Variants in SAMD14 observed in about 807,000 individuals in gnomAD.
SAMD14 encodes the protein sterile alpha motif domain-containing protein 14.
Under a neutral mutation model 46.2 loss-of-function variants are expected in SAMD14, and 27 were observed. The observed-to-expected ratio is 0.58, with a 90% CI of 0.43 to 0.81. The LOEUF is 0.81. SAMD14 is among the 30% of genes least tolerant of loss of function. The probability of loss-of-function intolerance (pLI) is 0.00; values close to 1 mark genes in which losing one functional copy is unlikely to be tolerated. For missense variants in SAMD14, 559 were observed against 582.2 expected (o/e 0.96, Z 0.41); for synonymous variants, 241 against 254.3 (o/e 0.95, Z 0.50).
chr17:50,127,416 A>G (rs1055670581), intron 1 of SAMD14, among the ~76,000 whole-genome samples: 3 of 152,066 alleles, frequency 2.0e-5, no homozygotes, highest in Admixed American at 2.0e-4. Context: ...CAGCCTGACC[A>G]ACATGGAAAA....
At chr17:50,118,445 T>C in intron 2 of SAMD14, 118 bp from the exon 3 acceptor site, 2 of 1,229,160 alleles carry the variant, frequency 1.6e-6, no homozygotes, top group East Asian at 2.4e-5. Context: ...TGTTCTTGAG[T>C]GCTGGGAGCA....
intron 1 of SAMD14, among the ~76,000 whole-genome samples, chr17:50,128,512 ACC>A (rs1491290485): frequency 0.043 from 5,886 of 137,234 alleles, 226 homozygotes; most frequent in African/African-American, 0.11. Flanking sequence ...ACACACACAC[ACC>A]CCCATTCAGC....
intron 1 of SAMD14, among the ~76,000 whole-genome samples, chr17:50,128,086 C>T (rs1182988995): frequency 2.6e-5 from 4 of 152,204 alleles, no homozygotes; most frequent in Non-Finnish European, 5.9e-5. Context: ...AAGACAGGAA[C>T]TGCCTCTCCC....
intron 7 of SAMD14, chr17:50,114,823 T>A (rs1200827224): frequency 2.4e-5 from 4 of 165,066 alleles, no homozygotes; most frequent in Non-Finnish European, 5.2e-5. Context: ...GGATTCTTTC[T>A]TCCCAGAATT....
At position 50,117,659 on chromosome 17, in the gene SAMD14, G is replaced by T; in HGVS notation, c.247C>A (p.Arg83Ser). The T allele has an allele frequency of 6.5e-7, 1 of 1,541,334 alleles. No individual in the cohort carries two copies. The highest frequency in any genetic ancestry group is 1.2e-5 in the South Asian group (1 of 82,476). ...DGCGSPLHRL[R>S]SPLHSGPGSP... The stretch of plus-strand genomic sequence containing the variant: ...CCCGGGCCTGAGTGCAAAGGCGAGC[G>T]CAGCCGGTGCAGGGGGCTCCCGCAG... The change falls in exon 4 of 10, where the codon CGC becomes AGC. Residue 83 changes from arginine to serine, a missense_variant. Coordinates refer to ENST00000330175, the MANE Select transcript of SAMD14 (RefSeq NM_001257359.2).
At chr17:50,123,073 G>A (rs1162799346) in intron 2 of SAMD14, among the ~76,000 whole-genome samples, 2 of 152,198 alleles carry the variant, frequency 1.3e-5, no homozygotes, top group Non-Finnish European at 2.9e-5. Context: ...TCCTTATTGA[G>A]CTCTTACTGT....
intron 1 of SAMD14, 170 bp from the exon 2 acceptor site, chr17:50,125,141 C>A: frequency 1.6e-6 from 1 of 628,986 alleles, no homozygotes; most frequent in Non-Finnish European, 2.8e-6. Flanking sequence ...GAATCATAAC[C>A]CAGATGGTGG....
rs1911412003 is a variant in SAMD14, at chr17:50,119,715, G to A, written c.44-1388C>T. Among the ~76,000 whole-genome samples, 5 of 152,186 alleles carry A rather than the reference G, an allele frequency of 3.3e-5. No individual in the cohort carries two copies. In the South Asian group the frequency reaches 6.2e-4, roughly 19 times the overall value. On this transcript the variant is annotated intron_variant, in intron 2 of 9. Transcript: ENST00000330175. ...AAAAGCCCCCTTGTCCACCCAAGTC[G>A]CCCGAGTCAGACAGCCCTAAGCTAC...
chr17:50,113,176 G>A (rs1051788368), intron 9 of SAMD14, 128 bp from the exon 10 acceptor site: 23 of 1,068,736 alleles, frequency 2.2e-5, no homozygotes, highest in African/African-American at 3.2e-5. Flanking sequence ...TGGAGCCTCC[G>A]CCTCCCACAC....
intron 2 of SAMD14, chr17:50,124,040 G>T (rs1373976419): frequency 2.2e-6 from 1 of 455,276 alleles, no homozygotes; most frequent in Non-Finnish European, 4.4e-6. Context: ...AGAAGCTGGG[G>T]ACCCTCTGGC....
intron 2 of SAMD14, among the ~76,000 whole-genome samples, chr17:50,121,494 T>A (rs893523541): frequency 1.1e-4 from 17 of 152,008 alleles, no homozygotes; most frequent in African/African-American, 1.9e-4. Context: ...ACTTTTGTAT[T>A]TTTAGTAGAG....
rs1910815850 is a variant in SAMD14 at position 50,111,142 on chromosome 17, T to C, written c.*1751A>G. On this transcript the variant is annotated 3_prime_UTR_variant, in exon 10 of 10. Coordinates refer to ENST00000330175, the MANE Select transcript of SAMD14 (RefSeq NM_001257359.2). ...ACTGCGGTGCCCTGTGACCACCACA[T>C]GACGCACCGGGGACGTCCGGCCCAG... is the stretch of plus-strand genomic sequence containing the variant. 2 of 152,306 alleles carry C rather than the reference T, an allele frequency of 1.3e-5. No individual in the cohort carries two copies. Among genetic ancestry groups the C allele is most frequent in the Admixed American group, 1.3e-4 (2 of 15,282 alleles). The allele number at this position is 152,306 out of a possible 1,614,324, so 9.4% of individuals were successfully genotyped here. A position where few individuals can be genotyped will look rare whatever the true frequency, so the allele number is the denominator to read the frequency against.
chr17:50,119,687 G>A (rs973811853), intron 2 of SAMD14, among the ~76,000 whole-genome samples: 7 of 152,120 alleles, frequency 4.6e-5, no homozygotes, highest in Admixed American at 2.6e-4. Context: ...CCTTGACTCA[G>A]TGAAAAGCCC....
intron 4 of SAMD14, among the ~76,000 whole-genome samples, chr17:50,116,605 T>G (rs1911221875): frequency 6.6e-6 from 1 of 151,980 alleles, no homozygotes; most frequent in Non-Finnish European, 1.5e-5. Context: ...CAGGGTTTCA[T>G]CATGTTGTCC....
At chr17:50,124,456 A>G (rs1485371297) in intron 2 of SAMD14, among the ~76,000 whole-genome samples, 2 of 152,106 alleles carry the variant, frequency 1.3e-5, no homozygotes, top group Non-Finnish European at 2.9e-5. Context: ...TTACAGATGT[A>G]TAGGATAGTC....
chr17:50,117,362 G>A, intron 4 of SAMD14, 45 bp downstream of exon 4: 1 of 1,275,944 alleles, frequency 7.8e-7, no homozygotes, highest in Non-Finnish European at 9.9e-7. Context: ...GGGCTGCTGC[G>A]CCCGGGAGCG....
At chr17:50,128,275 G>T (rs1295998376) in intron 1 of SAMD14, among the ~76,000 whole-genome samples, 1 of 152,018 alleles carries the variant, frequency 6.6e-6, no homozygotes, top group East Asian at 1.9e-4. Flanking sequence ...AGCCATTCTC[G>T]GTCCATCCTG....
At chr17:50,124,759 GCACGCGCGCGCGCA>G (rs1911668014) in intron 2 of SAMD14, among the ~76,000 whole-genome samples, 144 bp downstream of exon 2, 1 of 63,058 alleles carries the variant, frequency 1.6e-5, no homozygotes, top group Admixed American at 1.8e-4. Context: ...CTGCACGCGT[GCACGCGCGCGCGCA>G]CACACACACA....
intron 2 of SAMD14, among the ~76,000 whole-genome samples, chr17:50,120,438 C>A (rs1194800961): frequency 6.6e-6 from 1 of 152,136 alleles, no homozygotes; most frequent in African/African-American, 2.4e-5. Context: ...ATCTTTTAGC[C>A]TGGATTATTA....
Sources: allele counts gnomAD v4.1 joint callset (sites outside exome capture counted in the v4.1 genomes callset), GRCh38; gene constraint gnomAD v4.1.1; transcripts MANE v1.5; gene names NCBI Gene and HGNC (gene_info 2026-07-23, HGNC 2026-07-21).